MPDZ: variants seen among roughly 807,000 people sequenced by gnomAD.
MPDZ encodes multiple PDZ domain protein.
A neutral mutation model predicts 239.1 loss-of-function variants in MPDZ; 234 were observed. That is an observed-to-expected ratio of 0.98 (90% CI 0.88 to 1.09). The LOEUF (loss-of-function observed/expected upper bound fraction) is 1.09. Ranked by LOEUF, MPDZ falls within the 50% of genes least tolerant of loss-of-function variation. The probability of loss-of-function intolerance (pLI) is 0.00; values close to 1 mark genes in which losing one functional copy is unlikely to be tolerated. For missense variants in MPDZ, 3,175 were observed against 2,510.0 expected, an observed-to-expected ratio of 1.26 and a Z score of -5.66; for synonymous variants, 1,048 against 881.3, an observed-to-expected ratio of 1.19 and a Z score of -3.35.
chr9:13,254,358 C>T (rs1394516835), intron 1 of MPDZ, among the ~76,000 whole-genome samples: 1 of 152,048 alleles, frequency 6.6e-6, no homozygotes, highest in Non-Finnish European at 1.5e-5. Flanking sequence ...TAATAAAAAC[C>T]CTTAAGAAGC....
At position 13,124,680 on chromosome 9, in the gene MPDZ, C is replaced by A. The variant is rs147516390; in HGVS notation, c.4807+536G>T. On this transcript the variant is annotated intron_variant, in intron 35 of 46. Transcript: ENST00000319217. ...CATTATGACAGGACCCACTATTACA[C>A]CTAAAGCATAGAACTCAGATCTGTA... 3.8e-3 allele frequency among the ~76,000 whole-genome samples: 571 copies of A among 152,188 alleles called. 5 individuals are homozygous for A. Among genetic ancestry groups the A allele is most frequent in the African/African-American group, 0.013 (539 of 41,534 alleles).
intron 24 of MPDZ, among the ~76,000 whole-genome samples, chr9:13,156,009 T>G (rs1252417655): frequency 6.6e-6 from 1 of 152,164 alleles, no homozygotes; most frequent in Admixed American, 6.5e-5. Context: ...AGAAGTTATG[T>G]TCTTCTTTCT....
intron 3 of MPDZ, among the ~76,000 whole-genome samples, chr9:13,226,752 AACTC>A: frequency 6.6e-6 from 1 of 152,194 alleles, no homozygotes; most frequent in Admixed American, 6.5e-5. Context: ...AGAATGCAAA[AACTC>A]TCCAGTGGAA....
At chr9:13,193,833 T>C (rs1250583930) in intron 13 of MPDZ, among the ~76,000 whole-genome samples, 2 of 152,142 alleles carry the variant, frequency 1.3e-5, no homozygotes, top group Non-Finnish European at 2.9e-5. Context: ...CAGAATCCAA[T>C]AAATAAAATA....
At position 13,158,201 on chromosome 9, in the gene MPDZ, C is replaced by G. The variant is rs1002062920; in HGVS notation, c.3360-91G>C. On this transcript the variant is annotated intron_variant, in intron 23 of 46. Transcript: ENST00000319217. ...TCTACTATTGATTTAGCTAAAAATGCAGGACTGTTTTATGTTTTCACCATA... is the reference window on the plus strand; with the variant it reads ...TCTACTATTGATTTAGCTAAAAATGGAGGACTGTTTTATGTTTTCACCATA... 1.9e-5 allele frequency: 18 copies of G among 966,110 alleles called. No homozygotes were observed. The Admixed American group carries it at 3.1e-4, about 17-fold the overall frequency. 59.8% of individuals were successfully genotyped at this position (966,110 alleles called of 1,614,324 possible).
At chr9:13,112,930 G>T (rs760456120) in intron 42 of MPDZ, 81 bp downstream of exon 42, 2 of 1,314,284 alleles carry the variant, frequency 1.5e-6, no homozygotes, top group Non-Finnish European at 2.1e-6. Context: ...CTTTAAAACC[G>T]TAAGAAAGTT....
In MPDZ at chr9:13,122,111, G is replaced by A. The variant is rs567581836; in HGVS notation, c.5013C>T (p.Leu1671=). 1 of 1,614,002 alleles carries A rather than the reference G, an allele frequency of 6.2e-7. No homozygotes were observed. Among genetic ancestry groups the A allele is most frequent in the African/African-American group, 1.3e-5 (1 of 75,042 alleles). ...EEGAACKDGR[L]WAGDQILEVN... ...CCTCTAAGATCTGATCTCCAGCCCA[G>A]AGTCTTCCATCTTTACATGCTGCTC... The change falls in exon 37 of 47, where the codon CTC becomes CTT. Residue 1671 remains leucine, a synonymous_variant. Coordinates refer to ENST00000319217, the MANE Select transcript of MPDZ (RefSeq NM_001378778.1).
At chr9:13,174,704 G>C (rs561026340) in intron 21 of MPDZ, among the ~76,000 whole-genome samples, 2 of 152,258 alleles carry the variant, frequency 1.3e-5, no homozygotes, top group South Asian at 4.1e-4. Context: ...TTAGATATCT[G>C]TCTCATAATT....
rs538500411 is a variant in MPDZ, at chr9:13,237,285, A to G, written c.183+10350T>C. Among the ~76,000 whole-genome samples, 26 of 151,836 alleles carry G rather than the reference A, an allele frequency of 1.7e-4. 1 individual carries two copies. In the East Asian group the frequency reaches 5.1e-3, roughly 30 times the overall value. On this transcript the variant is annotated intron_variant, in intron 3 of 46. Coordinates refer to ENST00000319217, the MANE Select transcript of MPDZ (RefSeq NM_001378778.1). ...TGGCAAAAGCCCGTCTCTACAAAAAAAAAAATTGCCTGGCTAGTGGCACAC... is the reference window on the plus strand; with the variant it reads ...TGGCAAAAGCCCGTCTCTACAAAAAGAAAAATTGCCTGGCTAGTGGCACAC...
chr9:13,147,864 T>C (rs768608780), intron 25 of MPDZ, among the ~76,000 whole-genome samples: 2 of 152,040 alleles, frequency 1.3e-5, no homozygotes, highest in Non-Finnish European at 2.9e-5. Context: ...TATCTCTGTC[T>C]CCAATAATCA....
chr9:13,249,097 C>A (rs567690039), intron 2 of MPDZ, among the ~76,000 whole-genome samples: 58 of 121,920 alleles, frequency 4.8e-4, no homozygotes, highest in Admixed American at 1.2e-3. Context: ...TGATGTTGAT[C>A]ATGGGTTCAC....
chr9:13,165,070 T>C (rs933846339), intron 22 of MPDZ, among the ~76,000 whole-genome samples: 2 of 152,248 alleles, frequency 1.3e-5, no homozygotes, highest in Middle Eastern at 3.4e-3. Context: ...ATGCAGAGAC[T>C]ATTCCTGCAC....
rs189255197 is a variant in MPDZ, at chr9:13,185,334, T to C, written c.2481+936A>G. Among the ~76,000 whole-genome samples the C allele has an allele frequency of 3.5e-4, 53 of 152,210 alleles. 1 individual carries two copies. In the East Asian group the frequency reaches 7.7e-3, roughly 22 times the overall value. ...AATTACAATCAGCAAAATGTATATA[T>C]AGTCAAAGAAATAATTCACTCTGTT... On this transcript the variant is annotated intron_variant, in intron 18 of 46. Coordinates refer to ENST00000319217, the MANE Select transcript of MPDZ (RefSeq NM_001378778.1).
chr9:13,217,039 C>A, intron 9 of MPDZ, 141 bp downstream of exon 9: 1 of 783,778 alleles, frequency 1.3e-6, no homozygotes, highest in East Asian at 2.7e-5. Flanking sequence ...TAAGAGTCAC[C>A]TACACTAAAT....
intron 25 of MPDZ, among the ~76,000 whole-genome samples, chr9:13,149,886 G>A (rs1948921932): frequency 6.6e-6 from 1 of 151,870 alleles, no homozygotes; most frequent in Non-Finnish European, 1.5e-5. Flanking sequence ...GCACTGAAAA[G>A]GAGCGAGATC....
chr9:13,183,724 C>T (rs775076787), intron 18 of MPDZ, 139 bp from the exon 19 acceptor site: 45 of 776,216 alleles, frequency 5.8e-5, no homozygotes, highest in Non-Finnish European at 8.1e-5. Context: ...TAACCCTCAT[C>T]AGACACTGCT....
chr9:13,160,999 C>G (rs1180852592), intron 23 of MPDZ, among the ~76,000 whole-genome samples: 1 of 151,130 alleles, frequency 6.6e-6, no homozygotes, highest in African/African-American at 2.4e-5. Context: ...AGGGATTGAG[C>G]ATCTGTGGAT....
chr9:13,207,757 A>T (rs1957160917), intron 10 of MPDZ, among the ~76,000 whole-genome samples: 1 of 152,130 alleles, frequency 6.6e-6, no homozygotes. Context: ...ATTTTTCCTT[A>T]TAGTAGTGTC....
At chr9:13,191,274 T>C (rs1954882202) in intron 15 of MPDZ, among the ~76,000 whole-genome samples, 1 of 152,190 alleles carries the variant, frequency 6.6e-6, no homozygotes, top group Non-Finnish European at 1.5e-5. Context: ...CTATGCATTT[T>C]ATTCTTCAAA....
Sources: gnomAD v4.1 joint callset for allele counts (sites outside exome capture counted in the v4.1 genomes callset) on GRCh38, gnomAD v4.1.1 for gene constraint, MANE v1.5 for transcripts, NCBI Gene and HGNC (gene_info 2026-07-23, HGNC 2026-07-21) for gene names.